The following ABTB2 variants were observed in gnomAD, a reference collection of about 807,000 sequenced individuals.
ABTB2 encodes the protein ankyrin repeat and BTB/POZ domain-containing protein 2.
ABTB2 carries 56 observed loss-of-function variants against 104.1 expected under a neutral mutation model. The observed-to-expected ratio is 0.54, with a 90% CI of 0.43 to 0.67. The LOEUF is 0.67. Ranked by LOEUF, ABTB2 falls within the 30% of genes least tolerant of loss-of-function variation. The pLI is 0.00. For missense variants in ABTB2, 1,279 were observed against 1,407.7 expected, an observed-to-expected ratio of 0.91 and a Z score of 1.46; for synonymous variants, 606 against 608.2, an observed-to-expected ratio of 1.00 and a Z score of 0.05.
intron 1 of ABTB2, among the ~76,000 whole-genome samples, chr11:34,300,934 C>T (rs1251319954): frequency 6.6e-6 from 1 of 152,148 alleles, no homozygotes; most frequent in Non-Finnish European, 1.5e-5. Flanking sequence ...ACCCAATTTA[C>T]TGGGGGGCTG....
rs777895323 is a variant in ABTB2 at position 34,167,280 on chromosome 11, A to G, written c.1734T>C (p.His578=). 25 of 1,612,472 alleles carry G rather than the reference A, an allele frequency of 1.6e-5. No homozygotes were observed. Among genetic ancestry groups the G allele is most frequent in the Non-Finnish European group, 2.1e-5 (25 of 1,179,328 alleles). The change falls in exon 7 of 17, where the codon CAT becomes CAC. Residue 578 remains histidine, a synonymous_variant. Coordinates refer to ENST00000435224, the MANE Select transcript of ABTB2 (RefSeq NM_145804.3). Reference sequence around the variant, plus strand: ...TCACCTGGACCACAGAGATGTGTCCATGCAGCACAGCGAATGTCAGTGAGG... The same window carrying G: ...TCACCTGGACCACAGAGATGTGTCCGTGCAGCACAGCGAATGTCAGTGAGG... ...HWTSLTFAVL[H]GHISVVQLLL... is the part of the protein sequence containing the mutation.
chr11:34,232,745 TGGGA>T (rs1207142796), intron 1 of ABTB2, among the ~76,000 whole-genome samples: 1 of 151,912 alleles, frequency 6.6e-6, no homozygotes, highest in Non-Finnish European at 1.5e-5. Context: ...GAGACCAAGG[TGGGA>T]GGATCACTGA....
chr11:34,213,418 T>G (rs1853508020), intron 1 of ABTB2, among the ~76,000 whole-genome samples: 1 of 152,166 alleles, frequency 6.6e-6, no homozygotes, highest in African/African-American at 2.4e-5. Flanking sequence ...AGGCGGAGGT[T>G]GCAGTGAGCC....
chr11:34,328,325 C>T (rs1189722132), intron 1 of ABTB2, among the ~76,000 whole-genome samples: 1 of 152,184 alleles, frequency 6.6e-6, no homozygotes, highest in Non-Finnish European at 1.5e-5. Context: ...ATGACAGTCT[C>T]TATCCACAGC....
intron 1 of ABTB2, among the ~76,000 whole-genome samples, chr11:34,312,140 C>CA (rs67673538): frequency 0.25 from 27,660 of 110,742 alleles, 3,048 homozygotes; most frequent in Admixed American, 0.34. Flanking sequence ...GACTCCATCT[C>CA]AAAAAAAAAA....
At chr11:34,167,671 C>T (rs1004020291) in intron 6 of ABTB2, among the ~76,000 whole-genome samples, 1 of 152,214 alleles carries the variant, frequency 6.6e-6, no homozygotes, top group African/African-American at 2.4e-5. Context: ...AACAGAATCA[C>T]AGCCCATCTC....
At chr11:34,285,310 G>T (rs572300856) in intron 1 of ABTB2, among the ~76,000 whole-genome samples, 21 of 152,260 alleles carry the variant, frequency 1.4e-4, no homozygotes, top group Admixed American at 9.8e-4. Flanking sequence ...GAGTTAGGCG[G>T]GTGCTATCGA....
intron 1 of ABTB2, among the ~76,000 whole-genome samples, chr11:34,290,784 G>A (rs751540402): frequency 1.3e-4 from 20 of 152,248 alleles, no homozygotes; most frequent in Non-Finnish European, 2.4e-4. Flanking sequence ...GAATCATTTT[G>A]TCTTGAACAC....
At chr11:34,158,238 C>T (rs778583384) in intron 14 of ABTB2, among the ~76,000 whole-genome samples, 49 of 152,144 alleles carry the variant, frequency 3.2e-4, no homozygotes, top group South Asian at 2.1e-4. Context: ...CATGGTAAAT[C>T]CCATCTCTAT....
chr11:34,319,903 G>C (rs1854981283), intron 1 of ABTB2, among the ~76,000 whole-genome samples: 1 of 152,022 alleles, frequency 6.6e-6, no homozygotes, highest in Non-Finnish European at 1.5e-5. Flanking sequence ...CCTGACCTTA[G>C]GTGATCCACC....
At chr11:34,156,475 C>G (rs1852628240) in intron 14 of ABTB2, among the ~76,000 whole-genome samples, 1 of 151,750 alleles carries the variant, frequency 6.6e-6, no homozygotes, top group Non-Finnish European at 1.5e-5. Context: ...CTGCAGAAAC[C>G]ATGTGGGAAG....
chr11:34,202,565 G>A (rs2982594), intron 2 of ABTB2, among the ~76,000 whole-genome samples: 32,902 of 152,164 alleles, frequency 0.22, 3,934 homozygotes, highest in South Asian at 0.31. Flanking sequence ...TTGGGGCTAG[G>A]TGCAGTGGCT....
At chr11:34,330,717 T>A (rs1257500328) in intron 1 of ABTB2, among the ~76,000 whole-genome samples, 1 of 152,258 alleles carries the variant, frequency 6.6e-6, no homozygotes, top group Non-Finnish European at 1.5e-5. Flanking sequence ...GCAAACCCCA[T>A]GCTATAACTG....
intron 3 of ABTB2, among the ~76,000 whole-genome samples, chr11:34,184,847 C>T (rs536270187): frequency 6.6e-6 from 1 of 152,396 alleles, no homozygotes; most frequent in African/African-American, 2.4e-5. Context: ...CTTTCTTCTC[C>T]CATGAGCGGT....
intron 1 of ABTB2, among the ~76,000 whole-genome samples, chr11:34,220,791 C>A (rs1853611482): frequency 6.6e-6 from 1 of 152,108 alleles, no homozygotes; most frequent in African/African-American, 2.4e-5. Flanking sequence ...AACAAAATAC[C>A]ACAGACCGGG....
At chr11:34,332,659 A>T (rs964928030) in intron 1 of ABTB2, among the ~76,000 whole-genome samples, 2 of 152,098 alleles carry the variant, frequency 1.3e-5, no homozygotes, top group African/African-American at 4.8e-5. Context: ...CCCCGAGCCC[A>T]GGGGAGTTGG....
chr11:34,173,243 G>A lies in ABTB2; in HGVS notation c.1309C>T (p.Arg437Cys), dbSNP rs750330268. The change falls in exon 4 of 17, where the codon CGC (arginine) becomes TGC (cysteine). Residue 437 changes from arginine (R) to cysteine (C), a missense_variant. Physicochemically the swap from Arg to Cys is radical, Grantham distance 180. Transcript: ENST00000435224. ...MRVAITYAEHRRSLTVDSGDI... is the reference protein window; with the variant it reads ...MRVAITYAEHCRSLTVDSGDI... ...CCGCTGTCCACGGTGAGGCTGCGGC[G>A]GTGCTCTGCGTAGGTGATGGCCACG... The A allele has an allele frequency of 2.4e-5, 39 of 1,612,302 alleles. 1 individual carries two copies. The highest frequency in any genetic ancestry group is 1.5e-4 in the South Asian group (14 of 90,758).
intron 1 of ABTB2, among the ~76,000 whole-genome samples, chr11:34,273,874 C>T (rs979014178): frequency 2.0e-5 from 3 of 152,134 alleles, no homozygotes; most frequent in Non-Finnish European, 2.9e-5. Flanking sequence ...GATATTTGGC[C>T]GGGCGCGGTG....
intron 1 of ABTB2, among the ~76,000 whole-genome samples, chr11:34,261,471 C>A (rs1054449082): frequency 1.3e-5 from 2 of 151,080 alleles, no homozygotes; most frequent in Non-Finnish European, 2.9e-5. Context: ...CAGGTTTACT[C>A]CAATTGCATT....
Sources: allele counts gnomAD v4.1 joint callset (sites outside exome capture counted in the v4.1 genomes callset), GRCh38; gene constraint gnomAD v4.1.1; transcripts MANE v1.5; gene names NCBI Gene and HGNC (gene_info 2026-07-23, HGNC 2026-07-21).